The following CDH18 variants were observed in gnomAD, a reference collection of about 807,000 sequenced individuals.
CDH18 encodes the protein cadherin 18.
A neutral mutation model predicts 67.9 loss-of-function variants in CDH18; 31 were observed. That is an observed-to-expected ratio of 0.46 (90% CI 0.34 to 0.62). The LOEUF (loss-of-function observed/expected upper bound fraction) is 0.62, where lower values mean the gene tolerates loss of function less well. Among genes scored for constraint, CDH18 ranks in the 20% least tolerant of loss-of-function variants. The pLI, the probability that CDH18 is intolerant of heterozygous loss-of-function variation, is 0.01. For synonymous variants in CDH18, 362 were observed against 347.2 expected, an observed-to-expected ratio of 1.04 and a Z score of -0.48; for missense variants, 890 against 975.5, an observed-to-expected ratio of 0.91 and a Z score of 1.17.
intron 1 of CDH18, among the ~76,000 whole-genome samples, chr5:20,383,744 C>A (rs200662894): frequency 6.6e-6 from 1 of 151,974 alleles, no homozygotes; most frequent in Non-Finnish European, 1.5e-5. Flanking sequence ...AACAAGTTGA[C>A]AAGCCATATA....
intron 2 of CDH18, among the ~76,000 whole-genome samples, chr5:20,031,821 T>G (rs1739424163): frequency 6.6e-6 from 1 of 151,720 alleles, no homozygotes; most frequent in South Asian, 2.1e-4. Flanking sequence ...TAAAGATGAG[T>G]GGTGGAAGTA....
intron 1 of CDH18, among the ~76,000 whole-genome samples, chr5:20,398,840 CCTACGTAGAAAACCA>C (rs2150126404): frequency 6.7e-6 from 1 of 149,682 alleles, no homozygotes; most frequent in Non-Finnish European, 1.5e-5. Flanking sequence ...CACACGTATA[CCTACGTAGAAAACCA>C]CCACGGCACA....
intron 2 of CDH18, among the ~76,000 whole-genome samples, chr5:19,962,443 T>C (rs1579829405): frequency 6.8e-6 from 1 of 147,518 alleles, no homozygotes. Flanking sequence ...AGACTCAGTA[T>C]AAAATTTTAC....
In CDH18 at chr5:19,647,904, A is replaced by G. The variant is rs1755014426; in HGVS notation, c.644-35303T>C. Among the ~76,000 whole-genome samples the G allele has an allele frequency of 1.3e-5, 2 of 152,302 alleles. 1 individual carries two copies. The highest frequency in any genetic ancestry group is 4.1e-4 in the South Asian group (2 of 4,828). The stretch of plus-strand genomic sequence containing the variant: ...GAAAATCAATAGAGAAACAATTCAT[A>G]TTAGATAGTTTAGGTCTGTCTTGGT... On this transcript the variant is annotated intron_variant, in intron 5 of 12. Transcript: ENST00000382275.
At chr5:20,252,897 C>T (rs1016473595) in intron 2 of CDH18, among the ~76,000 whole-genome samples, 1 of 150,922 alleles carries the variant, frequency 6.6e-6, no homozygotes, top group African/African-American at 2.4e-5. Context: ...GATTGTGCCA[C>T]TGCACTCCAG....
At chr5:20,126,618 C>T (rs1448009524) in intron 2 of CDH18, among the ~76,000 whole-genome samples, 1 of 151,968 alleles carries the variant, frequency 6.6e-6, no homozygotes, top group African/African-American at 2.4e-5. Context: ...AATTTGATAA[C>T]AAAAACCAAA....
intron 2 of CDH18, among the ~76,000 whole-genome samples, chr5:20,125,937 A>T (rs1360041950): frequency 6.6e-6 from 1 of 152,182 alleles, no homozygotes; most frequent in East Asian, 1.9e-4. Context: ...TCCTAATGGA[A>T]TTTTTTACAG....
intron 2 of CDH18, among the ~76,000 whole-genome samples, 152 bp downstream of exon 2, chr5:19,980,908 G>A (rs541803303): frequency 6.7e-4 from 102 of 151,956 alleles, no homozygotes; most frequent in African/African-American, 2.3e-3. Flanking sequence ...CAATTATTTC[G>A]CTTCTTAGGG....
At chr5:19,847,397 A>G (rs1783115218) in intron 2 of CDH18, among the ~76,000 whole-genome samples, 1 of 152,056 alleles carries the variant, frequency 6.6e-6, no homozygotes, top group Admixed American at 6.6e-5. Context: ...CTGCTATAGA[A>G]CTTTTGCACT....
At position 20,304,027 on chromosome 5, in the gene CDH18, G is replaced by T. The variant is rs1191077223; in HGVS notation, c.-579-48522C>A. ...GAAGCAGCAACTTGGCAATAATTCC[G>T]CAGCCGACTTCGCGTGTTCAGGCAT... is the stretch of plus-strand genomic sequence containing the variant. On this transcript the variant is annotated intron_variant, in intron 1 of 14. Coordinates refer to the CDH18 transcript ENST00000507958. The T allele has an allele frequency of 3.5e-6, 5 of 1,439,176 alleles. No homozygotes were observed. In the East Asian group the frequency reaches 1.1e-4, roughly 33 times the overall value. 89.2% of individuals were successfully genotyped at this position (1,439,176 alleles called of 1,614,324 possible).
intron 2 of CDH18, among the ~76,000 whole-genome samples, chr5:20,030,495 C>CTA (rs1229501015): frequency 6.6e-5 from 10 of 152,180 alleles, no homozygotes; most frequent in Admixed American, 6.5e-4. Flanking sequence ...GATCAACAGA[C>CTA]AACTAGAGTT....
At chr5:19,919,568 T>C (rs1008589857) in intron 2 of CDH18, among the ~76,000 whole-genome samples, 3 of 152,210 alleles carry the variant, frequency 2.0e-5, no homozygotes, top group Non-Finnish European at 4.4e-5. Context: ...AATTGCTTGA[T>C]GTGGAAAACC....
chr5:20,255,909 GTTATT>G (rs1355195477), intron 1 of CDH18, among the ~76,000 whole-genome samples: 1 of 75,890 alleles, frequency 1.3e-5, no homozygotes, highest in Non-Finnish European at 3.7e-5. Context: ...AAATGTTTAT[GTTATT>G]TTAATAACTT....
At chr5:20,133,867 T>C (rs1580318623) in intron 2 of CDH18, among the ~76,000 whole-genome samples, 1 of 152,304 alleles carries the variant, frequency 6.6e-6, no homozygotes, top group Middle Eastern at 3.4e-3. Flanking sequence ...AGAAAGTTCT[T>C]TGACATTATC....
intron 2 of CDH18, among the ~76,000 whole-genome samples, chr5:20,201,429 C>G (rs1026646815): frequency 6.6e-6 from 1 of 152,014 alleles, no homozygotes; most frequent in African/African-American, 2.4e-5. Flanking sequence ...CAATTAATGA[C>G]ATCAGTGAAG....
In CDH18 at chr5:20,272,233, T is replaced by C. The variant is rs550155892; in HGVS notation, c.-579-16728A>G. Among the ~76,000 whole-genome samples, 218 of 152,172 alleles carry C rather than the reference T, an allele frequency of 1.4e-3. 1 individual carries two copies. Among genetic ancestry groups the C allele is most frequent in the Non-Finnish European group, 2.6e-3 (175 of 67,986 alleles). On this transcript the variant is annotated intron_variant, in intron 1 of 14. Transcript: ENST00000507958. ...ATAGAAAGAGTCACAGAGAGACACA[T>C]TAATTTAAGGACTGAAGAGTGATGG...
At chr5:20,268,994 C>A (rs1250306787) in intron 1 of CDH18, among the ~76,000 whole-genome samples, 2 of 152,046 alleles carry the variant, frequency 1.3e-5, no homozygotes, top group Admixed American at 6.6e-5. Flanking sequence ...GGATTAATAT[C>A]CACAATATAG....
At chr5:19,489,309 GCA>G (rs1380695066) in intron 11 of CDH18, among the ~76,000 whole-genome samples, 14 of 145,884 alleles carry the variant, frequency 9.6e-5, no homozygotes, top group Middle Eastern at 7.1e-3. Context: ...GTGCAGTGGT[GCA>G]ATCTTGGCTC....
rs1737930006 is a variant in CDH18 at position 19,473,609 on chromosome 5, C to T, written c.1990G>A (p.Gly664Arg). The T allele has an allele frequency of 3.1e-6, 5 of 1,613,632 alleles. No individual in the cohort carries two copies. Among genetic ancestry groups the T allele is most frequent in the African/African-American group, 1.3e-5 (1 of 74,848 alleles). ...TCAAAGGCCTCTGTGTCTTCCTCTC[C>T]GCCTCCTTCATCATCATAGGTGACC... ...NVVTYDDEGG[G>R]EEDTEAFDIT... The change falls in exon 13 of 13, where the codon GGA (glycine) becomes AGA (arginine). Residue 664 changes from glycine (G) to arginine (R), a missense_variant. Transcript: ENST00000382275.
Sources: gnomAD v4.1 joint callset for allele counts (sites outside exome capture counted in the v4.1 genomes callset) on GRCh38, gnomAD v4.1.1 for gene constraint, MANE v1.5 for transcripts, NCBI Gene and HGNC (gene_info 2026-07-23, HGNC 2026-07-21) for gene names.